Variants in INPP5A observed in about 807,000 individuals in gnomAD.
INPP5A encodes the protein 43 kDa inositol polyphosphate 5-phophatase.
In INPP5A, 14 loss-of-function variants were observed where a neutral mutation model predicts 65.2. That is an observed-to-expected ratio of 0.21 (90% confidence interval 0.14 to 0.34). The LOEUF (loss-of-function observed/expected upper bound fraction) is 0.34, where lower values mean the gene tolerates loss of function less well. Among genes scored for constraint, INPP5A ranks in the 10% least tolerant of loss-of-function variants. The pLI, the probability that INPP5A is intolerant of heterozygous loss-of-function variation, is 1.00. For missense variants in INPP5A, 431 were observed against 545.6 expected (o/e 0.79, Z 2.09); for synonymous variants, 207 against 208.3 (o/e 0.99, Z 0.05).
chr10:132,699,140 T>A (rs1370599385), intron 6 of INPP5A, among the ~76,000 whole-genome samples: 1 of 152,142 alleles, frequency 6.6e-6, no homozygotes. Context: ...CGTCCCTGGG[T>A]CATGACAGCC....
At chr10:132,558,913 T>C (rs991825022) in intron 1 of INPP5A, among the ~76,000 whole-genome samples, 38 of 152,280 alleles carry the variant, frequency 2.5e-4, no homozygotes, top group Middle Eastern at 3.4e-3. Flanking sequence ...GGAGCTGCCG[T>C]TCCCTCCACA....
chr10:132,562,644 T>C (rs1328447458), intron 1 of INPP5A, among the ~76,000 whole-genome samples: 1 of 152,224 alleles, frequency 6.6e-6, no homozygotes, highest in Non-Finnish European at 1.5e-5. Context: ...GAACTGGAGC[T>C]GGTTTTCTTG....
In INPP5A at chr10:132,747,749, T is replaced by TA. The variant is rs1371038427; in HGVS notation, c.733-1761dup. On this transcript the variant is annotated intron_variant, in intron 9 of 15. Coordinates refer to ENST00000368594, the MANE Select transcript of INPP5A (RefSeq NM_005539.5). ...AAACAAAAATCATATATTATTTTCT[T>TA]AAAAAAACAGATTTATAGGCCAGGT... 3.3e-5 allele frequency among the ~76,000 whole-genome samples: 5 copies of TA among 152,298 alleles called. No homozygotes were observed. The South Asian group carries it at 6.2e-4, about 19-fold the overall frequency.
intron 3 of INPP5A, among the ~76,000 whole-genome samples, chr10:132,649,767 T>C (rs1255479669): frequency 6.6e-6 from 1 of 152,186 alleles, no homozygotes; most frequent in Non-Finnish European, 1.5e-5. Context: ...GTTCATGGGC[T>C]CCAGGGGTGT....
chr10:132,637,741 T>C lies in INPP5A; in HGVS notation c.118-8127T>C, dbSNP rs1423313034. ...GTCTCTTTCTCCCAGTGGTCCATTC[T>C]GTGTTTTAGTTTCGCATCTCTGATG... On this transcript the variant is annotated intron_variant, in intron 2 of 15. Coordinates refer to ENST00000368594, the MANE Select transcript of INPP5A (RefSeq NM_005539.5). This position sits in a 1 kb window ranked among gnomAD's most constrained non-coding sequence, Gnocchi z 4.1. 6.6e-6 allele frequency among the ~76,000 whole-genome samples: 1 copy of C among 152,198 alleles called. No individual in the cohort carries two copies. Among genetic ancestry groups the C allele is most frequent in the Non-Finnish European group, 1.5e-5 (1 of 68,038 alleles).
intron 9 of INPP5A, among the ~76,000 whole-genome samples, chr10:132,736,699 A>C (rs1434937218): frequency 1.3e-5 from 2 of 152,234 alleles, no homozygotes; most frequent in Non-Finnish European, 2.9e-5. Flanking sequence ...GCATAAGCCC[A>C]GGCCCAGACC....
intron 4 of INPP5A, among the ~76,000 whole-genome samples, chr10:132,654,799 A>G (rs1467562591): frequency 6.6e-6 from 1 of 152,250 alleles, no homozygotes; most frequent in Non-Finnish European, 1.5e-5. Context: ...CTGTTCCCAG[A>G]AGGCGATTGA....
At chr10:132,645,834 C>G in intron 2 of INPP5A, 34 bp from the exon 3 acceptor site, 1 of 1,545,522 alleles carries the variant, frequency 6.5e-7, no homozygotes, top group Non-Finnish European at 8.9e-7. Context: ...TGGACGGCTC[C>G]GACGACCCTG....
chr10:132,684,925 G>A (rs971126804), intron 4 of INPP5A, among the ~76,000 whole-genome samples: 11 of 152,328 alleles, frequency 7.2e-5, no homozygotes, highest in African/African-American at 1.9e-4. Context: ...GGCTGCGTAT[G>A]AGGGGAGTCA....
intron 13 of INPP5A, 55 bp downstream of exon 13, chr10:132,777,837 G>C (rs1471779857): frequency 6.3e-7 from 1 of 1,589,368 alleles, no homozygotes. Flanking sequence ...CGCTGGGTCT[G>C]GTCTGGCCCA....
chr10:132,665,212 C>T (rs1248444928), intron 4 of INPP5A, among the ~76,000 whole-genome samples: 1 of 152,232 alleles, frequency 6.6e-6, no homozygotes, highest in East Asian at 1.9e-4. Context: ...GAGCACTTCA[C>T]TTCCATCCCG....
intron 1 of INPP5A, among the ~76,000 whole-genome samples, chr10:132,578,261 AGGG>A (rs1329572581): frequency 5.3e-5 from 8 of 152,218 alleles, no homozygotes; most frequent in Non-Finnish European, 1.0e-4. Flanking sequence ...TGAAGGTTCA[AGGG>A]TCCAGGCGCT....
intron 1 of INPP5A, among the ~76,000 whole-genome samples, chr10:132,565,276 G>C (rs1023206637): frequency 6.6e-6 from 1 of 152,142 alleles, no homozygotes; most frequent in Non-Finnish European, 1.5e-5. Context: ...CACCTGGCCA[G>C]TTTTAAGTCT....
chr10:132,579,051 C>T (rs952610796), intron 1 of INPP5A, among the ~76,000 whole-genome samples: 4 of 152,154 alleles, frequency 2.6e-5, no homozygotes, highest in Non-Finnish European at 4.4e-5. Context: ...GAACTTGTTG[C>T]GGTGATGTAG....
chr10:132,547,620 C>T lies in INPP5A; in HGVS notation c.75+9449C>T, dbSNP rs142253647. On this transcript the variant is annotated intron_variant, in intron 1 of 15. Coordinates refer to ENST00000368594, the MANE Select transcript of INPP5A (RefSeq NM_005539.5). This position sits in a 1 kb window ranked among gnomAD's most constrained non-coding sequence, Gnocchi z 5.5. The stretch of plus-strand genomic sequence containing the variant: ...CCCATCTCCTCCTTCTCTACCCAAG[C>T]GCCCGTGGCCTGAACAGGACTTGGT... 6.6e-5 allele frequency among the ~76,000 whole-genome samples: 10 copies of T among 152,324 alleles called. No individual in the cohort carries two copies. Among genetic ancestry groups the T allele is most frequent in the East Asian group, 3.9e-4 (2 of 5,166 alleles).
rs909458376 is a variant in INPP5A, at chr10:132,637,898, A to G, written c.118-7970A>G. On this transcript the variant is annotated intron_variant, in intron 2 of 15. Coordinates refer to ENST00000368594, the MANE Select transcript of INPP5A (RefSeq NM_005539.5). The surrounding 1 kb of genome is among the most constrained non-coding windows in gnomAD (Gnocchi z 4.1). Reference sequence around the variant, plus strand: ...GTTTTCCTCAGTTTGTGTGTGTACAATTTTTTGTCTTTTTTTTACAGCCGT... The same window carrying G: ...GTTTTCCTCAGTTTGTGTGTGTACAGTTTTTTGTCTTTTTTTTACAGCCGT... 6.6e-6 allele frequency among the ~76,000 whole-genome samples: 1 copy of G among 151,694 alleles called. No homozygotes were observed. Among genetic ancestry groups the G allele is most frequent in the Non-Finnish European group, 1.5e-5 (1 of 67,948 alleles).
chr10:132,540,801 G>A (rs1270676103), intron 1 of INPP5A, among the ~76,000 whole-genome samples: 1 of 152,248 alleles, frequency 6.6e-6, no homozygotes, highest in Admixed American at 6.5e-5. Flanking sequence ...CAGTCTCACC[G>A]TGTTGGAAGC....
At chr10:132,732,530 C>T (rs1846104324) in intron 9 of INPP5A, among the ~76,000 whole-genome samples, 1 of 152,232 alleles carries the variant, frequency 6.6e-6, no homozygotes, top group Non-Finnish European at 1.5e-5. Context: ...ATCATCAACA[C>T]AGTCGTCAGC....
intron 12 of INPP5A, among the ~76,000 whole-genome samples, chr10:132,775,420 C>G (rs962434264): frequency 6.6e-6 from 1 of 152,086 alleles, no homozygotes; most frequent in African/African-American, 2.4e-5. Flanking sequence ...CCAGGCCCCG[C>G]GTCCTGCTGC....
Sources: gnomAD v4.1 joint callset for allele counts (sites outside exome capture counted in the v4.1 genomes callset) on GRCh38, gnomAD v4.1.1 for gene constraint, Gnocchi (gnomAD v3.1) non-coding constraint, MANE v1.5 for transcripts, NCBI Gene and HGNC (gene_info 2026-07-23, HGNC 2026-07-21) for gene names.